Variants in CREBBP observed in about 807,000 individuals in gnomAD.
The protein encoded by CREBBP is CREB-binding protein.
CREBBP carries 19 observed loss-of-function variants against 265.0 expected under a neutral mutation model. The observed-to-expected ratio is 0.07, with a 90% CI of 0.05 to 0.11. The LOEUF (loss-of-function observed/expected upper bound fraction) is 0.11. Among genes scored for constraint, CREBBP ranks in the 10% least tolerant of loss-of-function variants. The probability of loss-of-function intolerance (pLI) is 1.00; values close to 1 mark genes in which losing one functional copy is unlikely to be tolerated. For missense variants in CREBBP, 2,525 were observed against 3,219.0 expected, an observed-to-expected ratio of 0.78 and a Z score of 5.22; for synonymous variants, 1,457 against 1,223.7, an observed-to-expected ratio of 1.19 and a Z score of -3.98.
intron 16 of CREBBP, chr16:3,767,337 T>A (rs1430795268): frequency 4.1e-6 from 1 of 243,956 alleles, no homozygotes; most frequent in African/African-American, 2.3e-5. Context: ...CCTTAAATTA[T>A]GGCTTTTTTG....
At position 3,739,769 on chromosome 16, in the gene CREBBP, A is replaced by T. The variant is rs375861252; in HGVS notation, c.4134-45T>A. The T allele has an allele frequency of 5.1e-5, 82 of 1,613,818 alleles. No individual in the cohort carries two copies. The African/African-American group carries it at 9.9e-4, about 19-fold the overall frequency. Reference sequence around the variant, plus strand: ...CGGACATTTACAAAGGCTGTTGCTGACAAGGTGCTTCTGCACACCAGGCCT... The same window carrying T: ...CGGACATTTACAAAGGCTGTTGCTGTCAAGGTGCTTCTGCACACCAGGCCT... On this transcript the variant is annotated intron_variant, in intron 24 of 30. Transcript: ENST00000262367.
In CREBBP at chr16:3,849,454, T is replaced by TG. The variant is rs1567360830; in HGVS notation, c.798+842dup. On this transcript the variant is annotated intron_variant, in intron 2 of 30. Transcript: ENST00000262367. ...GTGTGTGTGTGTGTGTGTGTGTGTG[T>TG]GTGTGTGTGTGTGTGTGTGTGTGTG... is the stretch of plus-strand genomic sequence containing the variant. 3.2e-4 allele frequency among the ~76,000 whole-genome samples: 29 copies of TG among 90,358 alleles called. 2 individuals are homozygous for TG. The highest frequency in any genetic ancestry group is 8.2e-4 in the South Asian group (2 of 2,442). 59.3% of individuals were successfully genotyped at this position (90,358 alleles called of 152,430 possible).
At chr16:3,750,041 C>T (rs76447783) in intron 20 of CREBBP, among the ~76,000 whole-genome samples, 4,249 of 152,216 alleles carry the variant, frequency 0.028, 192 homozygotes, top group East Asian at 0.19. Flanking sequence ...GCATGCACCA[C>T]CAGGACTGGC....
chr16:3,757,194 T>C, intron 19 of CREBBP, 94 bp downstream of exon 19: 2 of 1,142,762 alleles, frequency 1.8e-6, no homozygotes, highest in Middle Eastern at 1.9e-4. Flanking sequence ...CCACTTTTTA[T>C]TGGAACTTCA....
chr16:3,748,644 C>T (rs2052403158), intron 21 of CREBBP, among the ~76,000 whole-genome samples: 1 of 152,228 alleles, frequency 6.6e-6, no homozygotes, highest in African/African-American at 2.4e-5. Flanking sequence ...ACAGCCCACA[C>T]TTCCCAAGTA....
Position 3,725,510 on chromosome 16 carries a change from G to C in CREBBP, c.*2208C>G, listed in dbSNP as rs1475368614. On this transcript the variant is annotated 3_prime_UTR_variant, in exon 31 of 31. Coordinates refer to ENST00000262367, the MANE Select transcript of CREBBP (RefSeq NM_004380.3). ...TTTCCCTACGGGTGGAAAAGATGAA[G>C]AGGACACTGGAGGTTAAGAACCCAG... is the stretch of plus-strand genomic sequence containing the variant. The C allele has an allele frequency of 4.3e-6, 1 of 233,226 alleles. No homozygotes were observed. Among genetic ancestry groups the C allele is most frequent in the Non-Finnish European group, 8.5e-6 (1 of 118,054 alleles). 14.4% of individuals were successfully genotyped at this position (233,226 alleles called of 1,614,324 possible).
At chr16:3,750,364 G>C (rs990046684) in intron 20 of CREBBP, among the ~76,000 whole-genome samples, 1 of 152,170 alleles carries the variant, frequency 6.6e-6, no homozygotes, top group Non-Finnish European at 1.5e-5. Context: ...ATGGTAGAGC[G>C]TAAGTGCCTA....
chr16:3,768,144 T>G (rs914698534), intron 15 of CREBBP, among the ~76,000 whole-genome samples: 7 of 101,596 alleles, frequency 6.9e-5, no homozygotes, highest in South Asian at 7.4e-4. Context: ...GTGTTTTTTT[T>G]TTTTTTTTTT....
chr16:3,734,737 G>A (rs1005612263), intron 28 of CREBBP, among the ~76,000 whole-genome samples: 2 of 151,846 alleles, frequency 1.3e-5, no homozygotes, highest in African/African-American at 4.8e-5. Context: ...CTGGGGCGCC[G>A]TCCAGCAGGT....
Position 3,832,871 on chromosome 16 carries a change from G to C in CREBBP, c.798+17426C>G, listed in dbSNP as rs189531776. On this transcript the variant is annotated intron_variant, in intron 2 of 30. Coordinates refer to ENST00000262367, the MANE Select transcript of CREBBP (RefSeq NM_004380.3). ...GAATGCAAGGCTGGTTCAACACTCA[G>C]AAAGACGTAATTCACATTCAAAGAA... 7.9e-4 allele frequency among the ~76,000 whole-genome samples: 119 copies of C among 151,408 alleles called. 1 individual carries two copies. The highest frequency in any genetic ancestry group is 2.8e-3 in the African/African-American group (116 of 41,198).
intron 1 of CREBBP, among the ~76,000 whole-genome samples, chr16:3,862,384 G>C (rs2141550400): frequency 6.6e-6 from 1 of 152,184 alleles, no homozygotes; most frequent in African/African-American, 2.4e-5. Flanking sequence ...CATACGGTGG[G>C]AAGGGCCTCA....
chr16:3,780,070 T>C (rs1439231580), intron 8 of CREBBP, among the ~76,000 whole-genome samples: 1 of 151,870 alleles, frequency 6.6e-6, no homozygotes, highest in African/African-American at 2.4e-5. Context: ...GGTGAAACCC[T>C]GTCTCTACCA....
In CREBBP at chr16:3,803,071, G is replaced by T. The variant is rs369146353; in HGVS notation, c.975+7532C>A. ...GGGAAGAAGCGATAATCACCTCAGA[G>T]GTGATAAACTGGTAAGAAACACAAC... is the stretch of plus-strand genomic sequence containing the variant. On this transcript the variant is annotated intron_variant, in intron 3 of 30. Transcript: ENST00000262367. 5.3e-5 allele frequency among the ~76,000 whole-genome samples: 8 copies of T among 152,054 alleles called. No homozygotes were observed. The South Asian group carries it at 1.2e-3, about 24-fold the overall frequency.
intron 28 of CREBBP, among the ~76,000 whole-genome samples, chr16:3,733,178 C>T (rs532129303): frequency 1.4e-4 from 22 of 151,882 alleles, no homozygotes; most frequent in African/African-American, 3.4e-4. Flanking sequence ...CTGGCTAACA[C>T]GGTGAAACTC....
At chr16:3,755,559 T>C (rs1207315482) in intron 19 of CREBBP, among the ~76,000 whole-genome samples, 1 of 152,214 alleles carries the variant, frequency 6.6e-6, no homozygotes, top group Non-Finnish European at 1.5e-5. Flanking sequence ...GAAGACGCTA[T>C]TGTCTGTATC....
intron 1 of CREBBP, among the ~76,000 whole-genome samples, chr16:3,855,540 C>CA (rs2054943345): frequency 6.6e-6 from 1 of 152,352 alleles, no homozygotes; most frequent in African/African-American, 2.4e-5. Flanking sequence ...GCTAGGATTA[C>CA]AGGCGTGAGC....
At chr16:3,862,844 TCC>T (rs2055105071) in intron 1 of CREBBP, among the ~76,000 whole-genome samples, 4 of 152,214 alleles carry the variant, frequency 2.6e-5, no homozygotes, top group Non-Finnish European at 5.9e-5. Flanking sequence ...TTTCTCAGTG[TCC>T]TTTCCCTCTG....
At chr16:3,786,660 G>A (rs768203157) in intron 5 of CREBBP, among the ~76,000 whole-genome samples, 3 of 152,184 alleles carry the variant, frequency 2.0e-5, no homozygotes, top group Non-Finnish European at 4.4e-5. Context: ...TGCGGGAGGC[G>A]AAACTTGTGT....
At chr16:3,777,567 G>C in intron 11 of CREBBP, 46 bp downstream of exon 11, 1 of 1,588,360 alleles carries the variant, frequency 6.3e-7, no homozygotes, top group Non-Finnish European at 8.6e-7. Flanking sequence ...AGTTATGGCT[G>C]TTGAATGTAA....
Sources: gnomAD v4.1 joint callset for allele counts (sites outside exome capture counted in the v4.1 genomes callset) on GRCh38, gnomAD v4.1.1 for gene constraint, MANE v1.5 for transcripts, NCBI Gene and HGNC (gene_info 2026-07-23, HGNC 2026-07-21) for gene names.